Variants in TRAF3 observed in about 807,000 individuals in gnomAD.
The protein encoded by TRAF3 is TNF receptor-associated factor 3.
A neutral mutation model predicts 62.3 loss-of-function variants in TRAF3; 13 were observed. The observed-to-expected ratio is 0.21, with a 90% CI of 0.14 to 0.33. The LOEUF (loss-of-function observed/expected upper bound fraction) is 0.33, where lower values mean the gene tolerates loss of function less well. Ranked by LOEUF, TRAF3 falls within the 10% of genes least tolerant of loss-of-function variation. TRAF3 has a pLI of 1.00. For missense variants in TRAF3, 440 were observed against 741.8 expected, an observed-to-expected ratio of 0.59 and a Z score of 4.73; for synonymous variants, 269 against 283.4, an observed-to-expected ratio of 0.95 and a Z score of 0.51.
intron 6 of TRAF3, among the ~76,000 whole-genome samples, chr14:102,884,171 C>T (rs1278542832): frequency 1.3e-5 from 2 of 152,326 alleles, no homozygotes; most frequent in Non-Finnish European, 2.9e-5. Context: ...CTCTCAGTTT[C>T]TGGAGCCACC....
intron 1 of TRAF3, among the ~76,000 whole-genome samples, chr14:102,806,811 G>A (rs1377030098): frequency 6.6e-6 from 1 of 152,144 alleles, no homozygotes; most frequent in Non-Finnish European, 1.5e-5. Context: ...TCCCGGACCT[G>A]CAGGACAAGG....
intron 1 of TRAF3, among the ~76,000 whole-genome samples, chr14:102,828,157 T>C (rs1283270274): frequency 6.6e-6 from 1 of 152,242 alleles, no homozygotes. Flanking sequence ...GCCTCAGGTG[T>C]TCACAGCATT....
intron 1 of TRAF3, among the ~76,000 whole-genome samples, chr14:102,796,215 A>AAAAC (rs762972026): frequency 6.6e-5 from 10 of 152,368 alleles, no homozygotes; most frequent in Admixed American, 6.5e-5. Context: ...GACTGTCTCA[A>AAAAC]AAACAAACAA....
chr14:102,864,394 C>T (rs953615042), intron 2 of TRAF3, among the ~76,000 whole-genome samples: 8 of 151,970 alleles, frequency 5.3e-5, no homozygotes, highest in East Asian at 3.9e-4. Flanking sequence ...GTGATCTGCC[C>T]ACCTCGGCCT....
rs1890701208 is a variant in TRAF3, at chr14:102,908,484, A to G, written c.*2700A>G. 6.6e-6 allele frequency: 1 copy of G among 151,704 alleles called. No homozygotes were observed. The highest frequency in any genetic ancestry group is 2.4e-5 in the African/African-American group (1 of 41,098). The allele number at this position is 151,704 out of a possible 1,614,324, so 9.4% of individuals were successfully genotyped here. A position where few individuals can be genotyped will look rare whatever the true frequency, so the allele number is the denominator to read the frequency against. ...CGGCGGGCAAGCCTTGCGCTGCTCC[A>G]CCCTCGGCCTGGGCACCCTCACTTG... On this transcript the variant is annotated 3_prime_UTR_variant, in exon 12 of 12. Transcript: ENST00000392745.
At chr14:102,779,873 C>T (rs1181929289) in intron 1 of TRAF3, among the ~76,000 whole-genome samples, 1 of 152,180 alleles carries the variant, frequency 6.6e-6, no homozygotes, top group East Asian at 1.9e-4. Context: ...TATGCAATAG[C>T]TGAATTTCCT....
chr14:102,893,155 G>A (rs8008502), intron 9 of TRAF3, among the ~76,000 whole-genome samples: 57,003 of 151,676 alleles, frequency 0.38, 14,575 homozygotes, highest in African/African-American at 0.72. Flanking sequence ...TTGGGAGGCC[G>A]AGGCTGAGGC....
At chr14:102,783,473 T>C (rs568144533) in intron 1 of TRAF3, among the ~76,000 whole-genome samples, 1 of 152,352 alleles carries the variant, frequency 6.6e-6, no homozygotes, top group Non-Finnish European at 1.5e-5. Flanking sequence ...TTAAACCTGC[T>C]ATTTGAAACC....
intron 10 of TRAF3, among the ~76,000 whole-genome samples, chr14:102,899,672 C>CCTCT (rs1263369721): frequency 6.6e-6 from 1 of 152,144 alleles, no homozygotes; most frequent in African/African-American, 2.4e-5. Context: ...TTGGGGTCTT[C>CCTCT]TTCTTTCTTC....
At chr14:102,902,043 C>T (rs1331681372) in intron 10 of TRAF3, among the ~76,000 whole-genome samples, 1 of 152,248 alleles carries the variant, frequency 6.6e-6, no homozygotes, top group Admixed American at 6.5e-5. Flanking sequence ...CACTCCAGCC[C>T]CTTAACACAG....
intron 1 of TRAF3, among the ~76,000 whole-genome samples, chr14:102,804,995 G>T (rs956291769): frequency 2.0e-5 from 3 of 152,186 alleles, no homozygotes; most frequent in Non-Finnish European, 4.4e-5. Flanking sequence ...GAAAGATTTT[G>T]ACCTTCCCTG....
intron 9 of TRAF3, among the ~76,000 whole-genome samples, chr14:102,891,845 C>G (rs1226791728): frequency 1.3e-5 from 2 of 152,130 alleles, no homozygotes; most frequent in Non-Finnish European, 1.5e-5. Flanking sequence ...GACTACTTGG[C>G]TCTTTACAGA....
At chr14:102,857,517 T>A (rs1887441336) in intron 2 of TRAF3, among the ~76,000 whole-genome samples, 1 of 152,258 alleles carries the variant, frequency 6.6e-6, no homozygotes, top group Non-Finnish European at 1.5e-5. Context: ...TAAGACTTTT[T>A]GTTAAAGCCA....
intron 2 of TRAF3, among the ~76,000 whole-genome samples, chr14:102,863,090 A>G (rs560771410): frequency 6.6e-6 from 1 of 152,278 alleles, no homozygotes; most frequent in South Asian, 2.1e-4. Context: ...GTCTTCATCC[A>G]TACGTCTAAT....
intron 1 of TRAF3, among the ~76,000 whole-genome samples, chr14:102,786,870 G>A (rs1364542265): frequency 2.0e-5 from 3 of 152,136 alleles, no homozygotes; most frequent in Non-Finnish European, 4.4e-5. Context: ...TGCTCCTGTA[G>A]TCCCATCTAA....
intron 1 of TRAF3, among the ~76,000 whole-genome samples, chr14:102,796,968 A>T (rs1898125472): frequency 6.6e-6 from 1 of 152,038 alleles, no homozygotes; most frequent in Admixed American, 6.6e-5. Context: ...TGCCTTCAGG[A>T]TTCTTTCTGT....
At chr14:102,836,744 A>G (rs757934341) in intron 2 of TRAF3, among the ~76,000 whole-genome samples, 1 of 152,242 alleles carries the variant, frequency 6.6e-6, no homozygotes, top group Admixed American at 6.5e-5. Flanking sequence ...GTTACACTAC[A>G]TATCTTAAAC....
intron 1 of TRAF3, among the ~76,000 whole-genome samples, chr14:102,787,986 G>A (rs1404142088): frequency 1.3e-5 from 2 of 151,418 alleles, no homozygotes; most frequent in Non-Finnish European, 2.9e-5. Flanking sequence ...CGAGTAGCTG[G>A]GATTACAGGT....
chr14:102,783,519 G>C (rs1263560154), intron 1 of TRAF3, among the ~76,000 whole-genome samples: 2 of 152,160 alleles, frequency 1.3e-5, no homozygotes, highest in Non-Finnish European at 2.9e-5. Context: ...AGGTTTCAGA[G>C]GCTTTTCTGT....
Sources: allele counts gnomAD v4.1 joint callset (sites outside exome capture counted in the v4.1 genomes callset), GRCh38; gene constraint gnomAD v4.1.1; transcripts MANE v1.5; gene names NCBI Gene and HGNC (gene_info 2026-07-23, HGNC 2026-07-21).